ZC3H12B: variants seen among roughly 807,000 people sequenced by gnomAD.
ZC3H12B encodes the protein probable ribonuclease ZC3H12B.
ZC3H12B carries 7 observed loss-of-function variants against 43.9 expected under a neutral mutation model. That is an observed-to-expected ratio of 0.16 (90% CI 0.09 to 0.30). The LOEUF is 0.30. Among genes scored for constraint, ZC3H12B ranks in the 10% least tolerant of loss-of-function variants. The probability of loss-of-function intolerance (pLI) is 1.00; values close to 1 mark genes in which losing one functional copy is unlikely to be tolerated. For synonymous variants in ZC3H12B, 222 were observed against 241.7 expected (o/e 0.92, Z 0.76); for missense variants, 475 against 670.2 (o/e 0.71, Z 3.22).
At chrX:65,127,562 T>A in the ZC3H12B span, among the ~76,000 whole-genome samples, 2 of 110,792 alleles carry the variant, frequency 1.8e-5, no homozygotes, top group Non-Finnish European at 3.8e-5. Flanking sequence ...GTTTTTCAGG[T>A]GGTGGGTAGG....
intron 3 of ZC3H12B, among the ~76,000 whole-genome samples, chrX:65,409,235 G>C (rs1291704056): frequency 9.1e-6 from 1 of 110,177 alleles, no homozygotes; most frequent in Non-Finnish European, 1.9e-5. Context: ...GGAAATCACT[G>C]TATTAGGAAT....
chrX:65,341,109 G>A, the ZC3H12B span, among the ~76,000 whole-genome samples: 14 of 111,850 alleles, frequency 1.3e-4, no homozygotes, highest in Middle Eastern at 4.6e-3. Context: ...AGAGAATCTC[G>A]GAGCTTGAAG....
the ZC3H12B span, among the ~76,000 whole-genome samples, chrX:65,061,156 T>A: frequency 2.9e-4 from 32 of 111,886 alleles, no homozygotes; most frequent in African/African-American, 9.7e-4. Context: ...TTATTTTTAT[T>A]TTTTTATTAT....
the ZC3H12B span, among the ~76,000 whole-genome samples, chrX:65,269,281 G>T: frequency 6.4e-5 from 7 of 109,116 alleles, no homozygotes; most frequent in African/African-American, 2.3e-4. Flanking sequence ...GGAGGTGGAG[G>T]TTGCAGTGAA....
At chrX:65,088,591 G>GA in the ZC3H12B span, among the ~76,000 whole-genome samples, 2 of 111,513 alleles carry the variant, frequency 1.8e-5, no homozygotes, top group African/African-American at 3.3e-5. Flanking sequence ...CTATTAATTG[G>GA]AAAAAACATA....
chrX:65,169,742 G>T, the ZC3H12B span, among the ~76,000 whole-genome samples: 6 of 112,134 alleles, frequency 5.4e-5, no homozygotes, highest in African/African-American at 1.9e-4. Context: ...TATATATTAA[G>T]CATAGTTAGC....
the ZC3H12B span, chrX:65,357,301 C>G: frequency 3.5e-6 from 1 of 283,961 alleles, no homozygotes; most frequent in Non-Finnish European, 6.5e-6. Context: ...GTGACATTTG[C>G]TTCTTGTAGG....
At chrX:65,393,427 G>T (rs904805855) in intron 2 of ZC3H12B, among the ~76,000 whole-genome samples, 1 of 110,655 alleles carries the variant, frequency 9.0e-6, no homozygotes, top group Non-Finnish European at 1.9e-5. Context: ...TTAGGTATTT[G>T]TCCTAATGCT....
the ZC3H12B span, among the ~76,000 whole-genome samples, chrX:65,124,031 A>G: frequency 9.0e-6 from 1 of 110,947 alleles, no homozygotes; most frequent in African/African-American, 3.3e-5. Context: ...ACTATGTTGA[A>G]TAGAAGTGGT....
chrX:65,241,460 G>A, the ZC3H12B span, among the ~76,000 whole-genome samples: 280 of 111,013 alleles, frequency 2.5e-3, 1 homozygote, highest in South Asian at 0.014. Flanking sequence ...CCCTCCTGGG[G>A]GCTTCATCCC....
the ZC3H12B span, among the ~76,000 whole-genome samples, chrX:65,197,194 C>A: frequency 1.8e-5 from 2 of 111,768 alleles, no homozygotes; most frequent in Non-Finnish European, 3.8e-5. Flanking sequence ...CCCTGGCCGG[C>A]AACAGCCACC....
At chrX:65,225,531 C>T in the ZC3H12B span, among the ~76,000 whole-genome samples, 1 of 112,574 alleles carries the variant, frequency 8.9e-6, no homozygotes, top group African/African-American at 3.2e-5. Context: ...CGGAGAATGA[C>T]TTTGACGAGT....
chrX:65,172,982 G>T, the ZC3H12B span, among the ~76,000 whole-genome samples: 1 of 111,831 alleles, frequency 8.9e-6, no homozygotes, highest in Non-Finnish European at 1.9e-5. Flanking sequence ...GTAGTTTGAT[G>T]GTAATAGCAT....
chrX:65,295,881 A>G, the ZC3H12B span, among the ~76,000 whole-genome samples: 1 of 111,377 alleles, frequency 9.0e-6, no homozygotes, highest in Non-Finnish European at 1.9e-5. Flanking sequence ...TAACAGACCA[A>G]TAAGAAGTAG....
the ZC3H12B span, among the ~76,000 whole-genome samples, chrX:65,152,296 C>CT: frequency 2.7e-5 from 3 of 111,621 alleles, no homozygotes; most frequent in African/African-American, 9.8e-5. Context: ...CAAATTGTCC[C>CT]TTTTTGCAGA....
the ZC3H12B span, among the ~76,000 whole-genome samples, chrX:65,254,633 G>A: frequency 2.7e-5 from 3 of 112,418 alleles, no homozygotes; most frequent in Non-Finnish European, 3.8e-5. Flanking sequence ...AAGAACCCTA[G>A]TAACTCAAAA....
chrX:65,352,157 G>GT, the ZC3H12B span, among the ~76,000 whole-genome samples: 1 of 112,075 alleles, frequency 8.9e-6, no homozygotes, highest in African/African-American at 3.2e-5. Context: ...ATGAGTTCAT[G>GT]TTTTTGCAGG....
the ZC3H12B span, among the ~76,000 whole-genome samples, chrX:65,134,055 T>C: frequency 5.5e-5 from 6 of 110,044 alleles, no homozygotes; most frequent in Non-Finnish European, 1.9e-5. Flanking sequence ...GATGCTTAGG[T>C]TTTAGGTCAG....
At chrX:65,492,074 GA>G (rs1259835659) in intron 1 of ZC3H12B, among the ~76,000 whole-genome samples, 4 of 110,802 alleles carry the variant, frequency 3.6e-5, no homozygotes, top group Non-Finnish European at 5.7e-5. Context: ...CACCAAACCA[GA>G]CCACCCGGAA....
Sources: gnomAD v4.1 joint callset for allele counts (sites outside exome capture counted in the v4.1 genomes callset) on GRCh38, gnomAD v4.1.1 for gene constraint, MANE v1.5 for transcripts, NCBI Gene and HGNC (gene_info 2026-07-23, HGNC 2026-07-21) for gene names.